Variants in HSPBAP1 observed in about 807,000 individuals in gnomAD.
The protein encoded by HSPBAP1 is HSPB1 associated protein 1.
In HSPBAP1, 27 loss-of-function variants were observed where a neutral mutation model predicts 45.2. The ratio of observed to expected loss-of-function variants is 0.60; its 90% CI spans 0.44 to 0.82. The LOEUF (loss-of-function observed/expected upper bound fraction) is 0.82. HSPBAP1 is among the 40% of genes least tolerant of loss of function. HSPBAP1 has a pLI of 0.00. For missense variants in HSPBAP1, 510 were observed against 590.9 expected, an observed-to-expected ratio of 0.86 and a Z score of 1.42; for synonymous variants, 204 against 202.7, an observed-to-expected ratio of 1.01 and a Z score of -0.06.
chr3:122,768,936 ATTGT>A, intron 2 of HSPBAP1, 54 bp from the exon 3 acceptor site: 1 of 1,149,388 alleles, frequency 8.7e-7, no homozygotes, highest in South Asian at 1.6e-5. Flanking sequence ...TTTCCTAATT[ATTGT>A]TTTTTTTTTA....
At chr3:122,760,284 T>G (rs1035003343) in intron 3 of HSPBAP1, among the ~76,000 whole-genome samples, 1 of 151,808 alleles carries the variant, frequency 6.6e-6, no homozygotes, top group Non-Finnish European at 1.5e-5. Context: ...AAAAACATAC[T>G]AGTGAACCAG....
intron 6 of HSPBAP1, among the ~76,000 whole-genome samples, chr3:122,747,368 C>A (rs1933917770): frequency 6.6e-6 from 1 of 150,410 alleles, no homozygotes; most frequent in Non-Finnish European, 1.5e-5. Context: ...AGTGAGGAGA[C>A]CCTCCGCCTG....
intron 4 of HSPBAP1, chr3:122,758,923 G>T: frequency 3.0e-6 from 1 of 335,760 alleles, no homozygotes; most frequent in South Asian, 2.3e-5. Flanking sequence ...AAAAGACCAA[G>T]CAGAGAGCTG....
At chr3:122,762,704 T>C (rs1934640482) in intron 3 of HSPBAP1, among the ~76,000 whole-genome samples, 1 of 152,222 alleles carries the variant, frequency 6.6e-6, no homozygotes, top group African/African-American at 2.4e-5. Flanking sequence ...TCATGAATTT[T>C]TAATTTAATT....
In HSPBAP1 at chr3:122,740,226, G is replaced by C; in HGVS notation, c.*119C>G. On this transcript the variant is annotated 3_prime_UTR_variant, in exon 8 of 8. Transcript: ENST00000306103. Reference sequence around the variant, plus strand: ...AACAGACTGACATGTAATTCGGTAAGGATAAATACATTTACAAATGTGCAA... The same window carrying C: ...AACAGACTGACATGTAATTCGGTAACGATAAATACATTTACAAATGTGCAA... The C allele has an allele frequency of 1.6e-6, 1 of 607,990 alleles. No individual in the cohort carries two copies. Among genetic ancestry groups the C allele is most frequent in the Non-Finnish European group, 2.6e-6 (1 of 385,740 alleles). 37.7% of individuals were successfully genotyped at this position (607,990 alleles called of 1,614,324 possible). A position where few individuals can be genotyped will look rare whatever the true frequency, so the allele number is the denominator to read the frequency against.
At chr3:122,759,006 G>A (rs933406234) in intron 4 of HSPBAP1, among the ~76,000 whole-genome samples, 4 of 151,606 alleles carry the variant, frequency 2.6e-5, no homozygotes, top group African/African-American at 9.7e-5. Context: ...TCATGACAAG[G>A]CACGCACCTG....
chr3:122,771,304 T>C (rs1417286790), intron 2 of HSPBAP1, among the ~76,000 whole-genome samples: 1 of 152,096 alleles, frequency 6.6e-6, no homozygotes, highest in Admixed American at 6.6e-5. Flanking sequence ...GTTGTTATTC[T>C]TAGTTTGTCT....
chr3:122,759,194 C>CACAT, intron 4 of HSPBAP1, 30 bp downstream of exon 4: 1 of 1,554,630 alleles, frequency 6.4e-7, no homozygotes, highest in South Asian at 1.1e-5. Flanking sequence ...TCCACACACA[C>CACAT]ACACACACAC....
chr3:122,742,168 GATAT>G (rs769756263), intron 6 of HSPBAP1, among the ~76,000 whole-genome samples: 1 of 148,690 alleles, frequency 6.7e-6, no homozygotes, highest in Admixed American at 6.7e-5. Context: ...ATAAATTATT[GATAT>G]ATATACATAT....
At chr3:122,764,493 T>A (rs910215403) in intron 3 of HSPBAP1, among the ~76,000 whole-genome samples, 7 of 152,342 alleles carry the variant, frequency 4.6e-5, no homozygotes, top group Admixed American at 3.3e-4. Flanking sequence ...TTCCACAAAT[T>A]AAATTCATCC....
intron 4 of HSPBAP1, among the ~76,000 whole-genome samples, chr3:122,756,737 G>T (rs1446253724): frequency 6.6e-6 from 1 of 151,682 alleles, no homozygotes; most frequent in Non-Finnish European, 1.5e-5. Context: ...GAGCTATAAG[G>T]CAGCCTATCA....
At chr3:122,772,677 T>A (rs1576262038) in intron 2 of HSPBAP1, among the ~76,000 whole-genome samples, 1 of 152,018 alleles carries the variant, frequency 6.6e-6, no homozygotes, top group African/African-American at 2.4e-5. Flanking sequence ...TAGAAAAAAA[T>A]TATTAGAATA....
intron 6 of HSPBAP1, among the ~76,000 whole-genome samples, chr3:122,743,735 A>G (rs16833484): frequency 0.087 from 13,319 of 152,320 alleles, 683 homozygotes; most frequent in East Asian, 0.13. Context: ...GAGATAAGAC[A>G]GATGGATAGA....
chr3:122,793,097 C>T (rs1935886722), intron 1 of HSPBAP1, among the ~76,000 whole-genome samples: 1 of 152,086 alleles, frequency 6.6e-6, no homozygotes, highest in Admixed American at 6.6e-5. Flanking sequence ...GTCTCTGGAT[C>T]CTGCGACAGT....
At chr3:122,746,486 G>T (rs188420190) in intron 6 of HSPBAP1, among the ~76,000 whole-genome samples, 2 of 151,586 alleles carry the variant, frequency 1.3e-5, no homozygotes, top group African/African-American at 4.8e-5. Context: ...ATATGTTCAG[G>T]TATCTAGTAT....
intron 2 of HSPBAP1, among the ~76,000 whole-genome samples, chr3:122,776,341 CAG>C (rs1935192141): frequency 6.6e-6 from 1 of 152,174 alleles, no homozygotes; most frequent in East Asian, 1.9e-4. Context: ...CTCACAACCT[CAG>C]AGAGTTATTT....
intron 4 of HSPBAP1, 126 bp downstream of exon 4, chr3:122,759,098 A>G: frequency 7.3e-7 from 1 of 1,362,458 alleles, no homozygotes; most frequent in Non-Finnish European, 9.8e-7. Flanking sequence ...ATCATGAGGC[A>G]GGCTGACAGG....
At chr3:122,793,515 A>G in intron 1 of HSPBAP1, 102 bp downstream of exon 1, 1 of 916,974 alleles carries the variant, frequency 1.1e-6, no homozygotes, top group Non-Finnish European at 1.8e-6. Flanking sequence ...AAGGCCAGAG[A>G]GACCTGGGTT....
At chr3:122,791,859 G>A (rs770237465) in intron 1 of HSPBAP1, among the ~76,000 whole-genome samples, 15 of 152,266 alleles carry the variant, frequency 9.9e-5, no homozygotes, top group Middle Eastern at 3.4e-3. Context: ...AATGTAATTC[G>A]CTGAAGAATT....
Sources: allele counts gnomAD v4.1 joint callset (sites outside exome capture counted in the v4.1 genomes callset), GRCh38; gene constraint gnomAD v4.1.1; transcripts MANE v1.5; gene names NCBI Gene and HGNC (gene_info 2026-07-23, HGNC 2026-07-21).